PTPRK: variants seen among roughly 807,000 people sequenced by gnomAD.
PTPRK encodes protein tyrosine phosphatase receptor type K.
A neutral mutation model predicts 178.0 loss-of-function variants in PTPRK; 75 were observed. The ratio of observed to expected loss-of-function variants is 0.42; its 90% CI spans 0.35 to 0.51. The LOEUF is 0.51. PTPRK is among the 20% of genes least tolerant of loss of function. The pLI is 0.02. For synonymous variants in PTPRK, 637 were observed against 620.6 expected, an observed-to-expected ratio of 1.03 and a Z score of -0.39; for missense variants, 1,441 against 1,797.8, an observed-to-expected ratio of 0.80 and a Z score of 3.59.
chr6:128,299,239 G>A (rs1230188496), intron 3 of PTPRK, among the ~76,000 whole-genome samples: 4 of 151,490 alleles, frequency 2.6e-5, no homozygotes, highest in Non-Finnish European at 4.4e-5. Context: ...ACAAATGGAA[G>A]AACATTCCAT....
intron 1 of PTPRK, among the ~76,000 whole-genome samples, chr6:128,463,114 A>T (rs999465660): frequency 6.6e-6 from 1 of 152,234 alleles, no homozygotes; most frequent in Non-Finnish European, 1.5e-5. Context: ...GCCTGTCCTC[A>T]ATAAACATAT....
At chr6:128,498,133 C>T (rs1249274380) in intron 1 of PTPRK, among the ~76,000 whole-genome samples, 2 of 152,166 alleles carry the variant, frequency 1.3e-5, no homozygotes, top group African/African-American at 4.8e-5. Context: ...TTCCTTAACA[C>T]CCTTTTTCTG....
chr6:128,093,517 C>A (rs1787347809), intron 7 of PTPRK, among the ~76,000 whole-genome samples: 1 of 147,248 alleles, frequency 6.8e-6, no homozygotes, highest in East Asian at 2.2e-4. Flanking sequence ...ATCACTTGAA[C>A]CCTGGAGGCA....
At chr6:128,165,818 ATT>A (rs1280642643) in intron 7 of PTPRK, among the ~76,000 whole-genome samples, 1 of 151,586 alleles carries the variant, frequency 6.6e-6, no homozygotes, top group Non-Finnish European at 1.5e-5. Context: ...CCAAATCTAT[ATT>A]GTTTGTAAGA....
chr6:128,389,413 G>GTTTTTTTTTTTTTTTTTTT (rs11443907), intron 2 of PTPRK, among the ~76,000 whole-genome samples: 1 of 144,442 alleles, frequency 6.9e-6, no homozygotes. Flanking sequence ...GTTTTTTTTT[G>GTTTTTTTTTTTTTTTTTTT]TTTTTTTTGT....
At chr6:128,283,748 G>A (rs930143708) in intron 3 of PTPRK, among the ~76,000 whole-genome samples, 1 of 152,102 alleles carries the variant, frequency 6.6e-6, no homozygotes, top group Non-Finnish European at 1.5e-5. Flanking sequence ...CCCTTGAAAG[G>A]AGCCACAAAG....
At chr6:128,153,296 A>C (rs1797532457) in intron 7 of PTPRK, among the ~76,000 whole-genome samples, 1 of 151,984 alleles carries the variant, frequency 6.6e-6, no homozygotes, top group Non-Finnish European at 1.5e-5. Context: ...CTGATTAAAA[A>C]AAAAAATCAG....
intron 1 of PTPRK, among the ~76,000 whole-genome samples, chr6:128,429,396 G>C (rs1844544334): frequency 6.6e-6 from 1 of 152,188 alleles, no homozygotes. Flanking sequence ...TCATCCACCA[G>C]GTGATAAGCC....
chr6:128,472,420 AC>A (rs11299646), intron 1 of PTPRK, among the ~76,000 whole-genome samples: 49,329 of 117,508 alleles, frequency 0.42, 9,008 homozygotes, highest in African/African-American at 0.46. Context: ...AATTTTTGAC[AC>A]CCCCCCCCCC....
At position 127,973,705 on chromosome 6, in the gene PTPRK, C is replaced by G; in HGVS notation, c.4092G>C (p.Glu1364Asp). 1.2e-6 allele frequency: 2 copies of G among 1,614,026 alleles called. No homozygotes were observed. ...KLILQVEKWQ[E>D]ECEEGEGRTI... The stretch of plus-strand genomic sequence containing the variant: ...TCCGGCCTTCCCCTTCCTCGCATTC[C>G]TCCTGCCACTTTTCCACCTGAAGTA... Residue 1364 changes from glutamate (E) to aspartate (D), a missense_variant, in exon 28 of 30, where the codon GAG becomes GAC. Physicochemically the swap from Glu to Asp is conservative, Grantham distance 45. Transcript: ENST00000368226.
chr6:128,347,830 C>T (rs1205439712), intron 2 of PTPRK, among the ~76,000 whole-genome samples: 2 of 152,102 alleles, frequency 1.3e-5, no homozygotes, highest in Non-Finnish European at 2.9e-5. Context: ...ATTTATAACA[C>T]TCCGATCTCT....
intron 1 of PTPRK, among the ~76,000 whole-genome samples, chr6:128,418,905 A>G (rs1266698416): frequency 1.3e-5 from 2 of 152,120 alleles, no homozygotes; most frequent in African/African-American, 2.4e-5. Context: ...ACTTCACTGT[A>G]ATGATCCCCT....
intron 1 of PTPRK, among the ~76,000 whole-genome samples, chr6:128,417,425 T>G (rs987875282): frequency 8.5e-5 from 13 of 152,312 alleles, no homozygotes; most frequent in African/African-American, 3.1e-4. Flanking sequence ...AAGAGAAGTT[T>G]ATACACCATT....
intron 3 of PTPRK, among the ~76,000 whole-genome samples, chr6:128,304,398 T>C (rs919731217): frequency 6.6e-6 from 1 of 152,176 alleles, no homozygotes; most frequent in Non-Finnish European, 1.5e-5. Context: ...GTAATTTCAA[T>C]GGATGTAAAG....
At chr6:127,981,083 C>T in intron 25 of PTPRK, 33 bp downstream of exon 25, 1 of 1,587,152 alleles carries the variant, frequency 6.3e-7, no homozygotes, top group East Asian at 2.2e-5. Flanking sequence ...CTTTCCACAA[C>T]ACTCTACACT....
chr6:128,456,931 C>G (rs1317149371), intron 1 of PTPRK, among the ~76,000 whole-genome samples: 1 of 152,026 alleles, frequency 6.6e-6, no homozygotes, highest in African/African-American at 2.4e-5. Flanking sequence ...TTCTATTTCC[C>G]TTTCTTAAAG....
At chr6:127,995,915 C>A (rs1562401530) in intron 17 of PTPRK, among the ~76,000 whole-genome samples, 1 of 152,070 alleles carries the variant, frequency 6.6e-6, no homozygotes, top group Non-Finnish European at 1.5e-5. Flanking sequence ...AAATGAGCCA[C>A]AGAATTAAAA....
chr6:128,222,045 T>A (rs1330229321), intron 5 of PTPRK, among the ~76,000 whole-genome samples: 1 of 152,158 alleles, frequency 6.6e-6, no homozygotes, highest in African/African-American at 2.4e-5. Context: ...GTTCTCAAAC[T>A]CTCTCCTTGC....
intron 2 of PTPRK, among the ~76,000 whole-genome samples, chr6:128,343,269 G>A (rs1341152077): frequency 6.6e-6 from 1 of 152,102 alleles, no homozygotes; most frequent in Admixed American, 6.5e-5. Flanking sequence ...GGAGGCTGAG[G>A]CAGGTGGATC....
Sources: allele counts gnomAD v4.1 joint callset (sites outside exome capture counted in the v4.1 genomes callset), GRCh38; gene constraint gnomAD v4.1.1; transcripts MANE v1.5; gene names NCBI Gene and HGNC (gene_info 2026-07-23, HGNC 2026-07-21).